Variants in FREM3 observed in about 807,000 individuals in gnomAD.
The protein encoded by FREM3 is FRAS1 related extracellular matrix 3.
A neutral mutation model predicts 129.1 loss-of-function variants in FREM3; 105 were observed. The ratio of observed to expected loss-of-function variants is 0.81; its 90% CI spans 0.69 to 0.96. The LOEUF is 0.96. FREM3 is among the 40% of genes least tolerant of loss of function. FREM3 has a pLI of 0.00. For missense variants in FREM3, 2,593 were observed against 2,666.3 expected, an observed-to-expected ratio of 0.97 and a Z score of 0.61; for synonymous variants, 1,014 against 1,044.9, an observed-to-expected ratio of 0.97 and a Z score of 0.57.
chr4:143,596,729 G>A (rs1738490161), intron 6 of FREM3, among the ~76,000 whole-genome samples: 1 of 152,006 alleles, frequency 6.6e-6, no homozygotes, highest in South Asian at 2.1e-4. Context: ...GAGACCAGGA[G>A]TTCGAGACCA....
At chr4:143,627,496 A>C in intron 3 of FREM3, 118 bp downstream of exon 3, 27 of 895,258 alleles carry the variant, frequency 3.0e-5, no homozygotes, top group Non-Finnish European at 4.2e-5. Flanking sequence ...ACACTTTTTT[A>C]GAGATTTCTC....
chr4:143,642,392 A>AAGT (rs2149846489), intron 2 of FREM3, among the ~76,000 whole-genome samples: 1 of 152,304 alleles, frequency 6.6e-6, no homozygotes, highest in East Asian at 1.9e-4. Flanking sequence ...AAAATACACT[A>AAGT]CAAAGAAATA....
At chr4:143,593,345 T>G (rs1422772692) in intron 6 of FREM3, among the ~76,000 whole-genome samples, 1 of 152,196 alleles carries the variant, frequency 6.6e-6, no homozygotes, top group Non-Finnish European at 1.5e-5. Context: ...TCTGCTCTGT[T>G]TTTTCCCCAT....
intron 2 of FREM3, among the ~76,000 whole-genome samples, chr4:143,668,234 T>C (rs994804782): frequency 6.6e-6 from 1 of 152,052 alleles, no homozygotes; most frequent in African/African-American, 2.4e-5. Flanking sequence ...TTCTACAAGC[T>C]GGGTCAAAGA....
At position 143,588,173 on chromosome 4, in the gene FREM3, C is replaced by T. The variant is rs549942051; in HGVS notation, c.6029-2180G>A. ...GCCCAAATGGTCTCCTTCGAGCCCC[C>T]TCTCTTGATTTAGCACCTCTTTAAA... On this transcript the variant is annotated intron_variant, in intron 6 of 7. Coordinates refer to ENST00000329798, the MANE Select transcript of FREM3 (RefSeq NM_001168235.2). Among the ~76,000 whole-genome samples, 43 of 152,256 alleles carry T rather than the reference C, an allele frequency of 2.8e-4. No individual in the cohort carries two copies. In the East Asian group the frequency reaches 4.6e-3, roughly 16 times the overall value.
At position 143,699,192 on chromosome 4, in the gene FREM3, GGT is replaced by G; in HGVS notation, c.1482_1483del (p.Pro495SerfsTer13). The G allele has an allele frequency of 6.5e-7, 1 of 1,537,338 alleles. No homozygotes were observed. Among genetic ancestry groups the G allele is most frequent in the Non-Finnish European group, 8.7e-7 (1 of 1,146,936 alleles). Reference sequence around the variant, plus strand: ...CACTCGCCCTGCTGCCAGGTCCGCTGGTGTGAAATACTTGCACCCAGCAGGTG... The same window carrying G: ...CACTCGCCCTGCTGCCAGGTCCGCTGGTGAAATACTTGCACCCAGCAGGTG... On this transcript the variant is annotated frameshift_variant, in exon 1 of 8. Transcript: ENST00000329798. LOFTEE classifies it high-confidence loss of function. The surrounding 1 kb of genome is among the most constrained non-coding windows in gnomAD (Gnocchi z 4.2).
chr4:143,630,744 G>A (rs763536367), intron 2 of FREM3, among the ~76,000 whole-genome samples: 2 of 152,100 alleles, frequency 1.3e-5, no homozygotes, highest in Non-Finnish European at 2.9e-5. Context: ...AACATTTAAA[G>A]GGAACCTACT....
At chr4:143,671,016 C>T (rs910966670) in intron 2 of FREM3, among the ~76,000 whole-genome samples, 7 of 152,168 alleles carry the variant, frequency 4.6e-5, no homozygotes, top group African/African-American at 1.2e-4. Flanking sequence ...GGCTCATAAA[C>T]GCCACAATAT....
At chr4:143,629,334 T>C (rs902903301) in intron 2 of FREM3, among the ~76,000 whole-genome samples, 2 of 152,166 alleles carry the variant, frequency 1.3e-5, no homozygotes, top group African/African-American at 4.8e-5. Flanking sequence ...CAGGTTCTGA[T>C]CTATAGTTGC....
chr4:143,593,185 C>T (rs1429796719), intron 6 of FREM3, among the ~76,000 whole-genome samples: 1 of 152,096 alleles, frequency 6.6e-6, no homozygotes, highest in East Asian at 1.9e-4. Flanking sequence ...TTCGAACTTC[C>T]TCCTTTAGCT....
chr4:143,591,949 G>A (rs989986963), intron 6 of FREM3, among the ~76,000 whole-genome samples: 1 of 152,228 alleles, frequency 6.6e-6, no homozygotes, highest in African/African-American at 2.4e-5. Flanking sequence ...ATATATTTAG[G>A]ATAGTTAGTT....
chr4:143,637,549 G>A (rs1304481999), intron 2 of FREM3, among the ~76,000 whole-genome samples: 1 of 151,956 alleles, frequency 6.6e-6, no homozygotes, highest in African/African-American at 2.4e-5. Flanking sequence ...CTGTTCACCG[G>A]GTCTCCCTGA....
Position 143,699,136 on chromosome 4 carries a change from T to C in FREM3, c.1540A>G (p.Ser514Gly). Reference protein sequence around the residue: ...VYQHDGSNTYSDNIIFRMEDG... With the variant: ...VYQHDGSNTYGDNIIFRMEDG... ...TCCATCCGGAAGATGATATTGTCAC[T>C]GTAGGTGTTGCTGCCATCATGCTGA... is the stretch of plus-strand genomic sequence containing the variant. Residue 514 changes from serine (S) to glycine (G), a missense_variant, in exon 1 of 8, where the codon AGT becomes GGT. Physicochemically the swap from Ser to Gly is moderately conservative, Grantham distance 56. Transcript: ENST00000329798. The surrounding 1 kb of genome is among the most constrained non-coding windows in gnomAD (Gnocchi z 4.2). 6.5e-7 allele frequency: 1 copy of C among 1,537,420 alleles called. No individual in the cohort carries two copies.
Position 143,631,329 on chromosome 4 carries a change from GTATTTATT to G in FREM3, c.5276-3577_5276-3570del, listed in dbSNP as rs112309816. ...AGAAAAGTTGTGTTATTATAATGCT[GTATTTATT>G]TATTTATTTATTTATTTATTTGTTT... On this transcript the variant is annotated intron_variant, in intron 2 of 7. Transcript: ENST00000329798. Among the ~76,000 whole-genome samples the G allele has an allele frequency of 2.8e-3, 426 of 151,594 alleles. 3 individuals are homozygous for G. Among genetic ancestry groups the G allele is most frequent in the African/African-American group, 9.5e-3 (393 of 41,214 alleles).
intron 2 of FREM3, among the ~76,000 whole-genome samples, chr4:143,640,989 G>A (rs912729298): frequency 2.0e-5 from 3 of 152,096 alleles, no homozygotes; most frequent in Admixed American, 6.6e-5. Context: ...ATTAAAATTA[G>A]ATAGTATAAT....
chr4:143,589,376 C>A (rs1318975878), intron 6 of FREM3, among the ~76,000 whole-genome samples: 3 of 152,000 alleles, frequency 2.0e-5, no homozygotes, highest in African/African-American at 7.3e-5. Context: ...GGTTTCAGGT[C>A]TAACATGTAA....
Position 143,696,550 on chromosome 4 carries a change from TAA to T in FREM3, c.4124_4125del (p.Phe1375TyrfsTer4), listed in dbSNP as rs1446047996. On this transcript the variant is annotated frameshift_variant, in exon 1 of 8. Transcript: ENST00000329798. LOFTEE classifies it high-confidence loss of function. The part of the protein sequence containing the change: ...VRNNLTLGMN[F>X]TQDEINRGLI... Reference sequence around the variant, plus strand: ...AGGCCTCTGTTAATCTCATCCTGGGTAAAGTTCATTCCCAGAGTAAGATTGTT... The same window carrying T: ...AGGCCTCTGTTAATCTCATCCTGGGTAGTTCATTCCCAGAGTAAGATTGTT... 8 of 1,537,438 alleles carry T rather than the reference TAA, an allele frequency of 5.2e-6. No homozygotes were observed. The highest frequency in any genetic ancestry group is 7.0e-6 in the Non-Finnish European group (8 of 1,146,956).
intron 6 of FREM3, among the ~76,000 whole-genome samples, chr4:143,590,029 T>C (rs1218447220): frequency 6.6e-6 from 1 of 152,110 alleles, no homozygotes; most frequent in East Asian, 1.9e-4. Flanking sequence ...CACTCATGAT[T>C]TGGCTCTCTG....
chr4:143,699,982 C>A lies in FREM3; in HGVS notation c.694G>T (p.Ala232Ser), dbSNP rs1422909392. The change falls in exon 1 of 8, where the codon GCC becomes TCC. Residue 232 changes from alanine (A) to serine (S), a missense_variant. Ala to Ser is a moderately conservative substitution (Grantham distance 99). Around this residue, in one of 2 missense-constraint regions of FREM3, gnomAD observed 2,276 missense variants for 2,267.2 expected, o/e 1.00. Coordinates refer to ENST00000329798, the MANE Select transcript of FREM3 (RefSeq NM_001168235.2). This position sits in a 1 kb window ranked among gnomAD's most constrained non-coding sequence, Gnocchi z 4.2. ...ACGCCCTTGCCCCTGGGGAGAGGGG[C>A]CCCCACCGCGTCCACCAAGCGCCCG... ...KYGRLVDAVG[A>S]PLPRGKGVDC... 1 of 1,502,148 alleles carries A rather than the reference C, an allele frequency of 6.7e-7. No homozygotes were observed. The highest frequency in any genetic ancestry group is 8.9e-7 in the Non-Finnish European group (1 of 1,127,272). 93.1% of individuals were successfully genotyped at this position (1,502,148 alleles called of 1,614,324 possible).
Sources: gnomAD v4.1 joint callset for allele counts (sites outside exome capture counted in the v4.1 genomes callset) on GRCh38, gnomAD v4.1.1 for gene constraint, gnomAD v4.1.1 regional missense constraint, Gnocchi (gnomAD v3.1) non-coding constraint, MANE v1.5 for transcripts, NCBI Gene and HGNC (gene_info 2026-07-23, HGNC 2026-07-21) for gene names.